TENM1: variants seen among roughly 807,000 people sequenced by gnomAD.
TENM1 encodes the protein teneurin transmembrane protein 1.
Under a neutral mutation model 174.8 loss-of-function variants are expected in TENM1, and 35 were observed. The ratio of observed to expected loss-of-function variants is 0.20; its 90% CI spans 0.15 to 0.27. The LOEUF is 0.27. Among genes scored for constraint, TENM1 ranks in the 10% least tolerant of loss-of-function variants. The probability of loss-of-function intolerance (pLI) is 1.00; values close to 1 mark genes in which losing one functional copy is unlikely to be tolerated. For missense variants in TENM1, 1,633 were observed against 2,130.1 expected (o/e 0.77, Z 4.59); for synonymous variants, 781 against 798.7 (o/e 0.98, Z 0.37).
chrX:124,918,842 T>C (rs958714697), intron 1 of TENM1, among the ~76,000 whole-genome samples: 7 of 111,657 alleles, frequency 6.3e-5, no homozygotes, highest in East Asian at 2.8e-4. Context: ...TTAAGTAATA[T>C]TGGCAATTTT....
intron 22 of TENM1, among the ~76,000 whole-genome samples, chrX:124,472,853 C>G (rs2061351046): frequency 9.0e-6 from 1 of 111,444 alleles, no homozygotes; most frequent in African/African-American, 3.3e-5. Context: ...ATTTTATAGT[C>G]AGCTCCATGC....
chrX:124,453,201 T>C, intron 23 of TENM1, 136 bp downstream of exon 26: 2 of 632,261 alleles, frequency 3.2e-6, no homozygotes, highest in Non-Finnish European at 2.3e-6. Context: ...GTAACTTACA[T>C]AAAGAGAAAC....
At chrX:124,698,188 T>C (rs7885705) in intron 5 of TENM1, among the ~76,000 whole-genome samples, 25,145 of 109,967 alleles carry the variant, frequency 0.23, 3,638 homozygotes, top group African/African-American at 0.54. Flanking sequence ...TTCCTACTCC[T>C]ACGATTTTGG....
intron 15 of TENM1, among the ~76,000 whole-genome samples, chrX:124,545,554 TG>T (rs1245820652): frequency 8.9e-6 from 1 of 111,784 alleles, no homozygotes; most frequent in African/African-American, 3.3e-5. Flanking sequence ...TCTCTATGAG[TG>T]AAGAAAGCTA....
rs746609047 is a variant in TENM1, at chrX:124,436,044, TC to T, written c.4105-13407del. On this transcript the variant is annotated intron_variant, in intron 23 of 31. Coordinates refer to ENST00000422452, the Ensembl canonical transcript of TENM1. ...TCTTACAGATTCAGTAATGATGAAA[TC>T]CTCTGTGACAAACAGTCCACTCTAA... is the stretch of plus-strand genomic sequence containing the variant. Among the ~76,000 whole-genome samples, 616 of 111,574 alleles carry T rather than the reference TC, an allele frequency of 5.5e-3. 1 individual carries two copies. Among genetic ancestry groups the T allele is most frequent in the Non-Finnish European group, 9.8e-3 (518 of 53,099 alleles).
intron 11 of TENM1, among the ~76,000 whole-genome samples, chrX:124,568,446 T>G (rs769722547): frequency 9.0e-6 from 1 of 111,553 alleles, no homozygotes; most frequent in African/African-American, 3.3e-5. Flanking sequence ...TAATAAAAAA[T>G]CTGGAGCTAG....
chrX:124,653,113 A>G (rs1429928965), intron 7 of TENM1, among the ~76,000 whole-genome samples: 2 of 112,204 alleles, frequency 1.8e-5, no homozygotes. Flanking sequence ...TAAAAATCAT[A>G]GAAGTTTTAC....
chrX:124,436,872 C>T (rs1331858180), intron 23 of TENM1, among the ~76,000 whole-genome samples: 1 of 108,833 alleles, frequency 9.2e-6, no homozygotes, highest in Admixed American at 9.9e-5. Flanking sequence ...CTGTACATCA[C>T]ATTCTCTATA....
chrX:124,509,030 G>A (rs1208020196), intron 18 of TENM1, among the ~76,000 whole-genome samples: 2 of 110,940 alleles, frequency 1.8e-5, no homozygotes, highest in Non-Finnish European at 3.8e-5. Context: ...CCCCAGTGGA[G>A]GTTATATTCA....
intron 3 of TENM1, among the ~76,000 whole-genome samples, chrX:124,881,134 A>C (rs1419174558): frequency 1.8e-5 from 2 of 111,623 alleles, no homozygotes; most frequent in African/African-American, 3.3e-5. Flanking sequence ...TTCGGTAAAA[A>C]TTGTCAGTGA....
rs16999318 is a variant in TENM1 at position 124,622,975 on chromosome X, G to A, written c.2077+18816C>T. Among the ~76,000 whole-genome samples the A allele has an allele frequency of 8.2e-3, 919 of 112,016 alleles. 8 individuals are homozygous for A. The highest frequency in any genetic ancestry group is 0.029 in the African/African-American group (885 of 30,836). ...TTTAAAATTTTCTGCCCTCTCTGATGTAGAATGTAACCTAAGTAAATAAAA... is the reference window on the plus strand; with the variant it reads ...TTTAAAATTTTCTGCCCTCTCTGATATAGAATGTAACCTAAGTAAATAAAA... On this transcript the variant is annotated intron_variant, in intron 11 of 31. Coordinates refer to ENST00000422452, the Ensembl canonical transcript of TENM1.
rs181293087 is a variant in TENM1, at chrX:124,438,312, T to A, written c.4104+15025A>T. Among the ~76,000 whole-genome samples, 14 of 110,322 alleles carry A rather than the reference T, an allele frequency of 1.3e-4. No individual in the cohort carries two copies. In the East Asian group the frequency reaches 3.4e-3, roughly 27 times the overall value. ...GCAATACACTATCGTAGGTCTTCTG[T>A]ATCTTAGAGAGATACAGAAGTATCT... On this transcript the variant is annotated intron_variant, in intron 23 of 31. Transcript: ENST00000422452.
At chrX:124,535,267 G>A (rs1341820671) in intron 15 of TENM1, among the ~76,000 whole-genome samples, 1 of 111,468 alleles carries the variant, frequency 9.0e-6, no homozygotes, top group Non-Finnish European at 1.9e-5. Context: ...GAAAAGCAAG[G>A]CCATAACATA....
the TENM1 span, among the ~76,000 whole-genome samples, chrX:124,994,758 C>T: frequency 1.3e-4 from 14 of 111,018 alleles, no homozygotes; most frequent in African/African-American, 3.9e-4. Context: ...CTGCCACCAT[C>T]ACGTTCCTGA....
intron 3 of TENM1, among the ~76,000 whole-genome samples, chrX:124,793,422 C>T (rs922398141): frequency 8.9e-6 from 1 of 111,736 alleles, no homozygotes; most frequent in Non-Finnish European, 1.9e-5. Flanking sequence ...ACATGTAGAA[C>T]TTACAGGACA....
rs184578626 is a variant in TENM1 at position 124,407,727 on chromosome X, T to C, written c.4983-1238A>G. The stretch of plus-strand genomic sequence containing the variant: ...ATGCCACCTAAAGTTCAGTTCTGCA[T>C]ATACACGTGCGTGTGTGCACACACA... On this transcript the variant is annotated intron_variant, in intron 25 of 31. Coordinates refer to ENST00000422452, the Ensembl canonical transcript of TENM1. Among the ~76,000 whole-genome samples the C allele has an allele frequency of 4.8e-3, 547 of 112,973 alleles. 3 individuals carry two copies. Among genetic ancestry groups the C allele is most frequent in the Admixed American group, 0.01 (111 of 10,736 alleles).
intron 5 of TENM1, among the ~76,000 whole-genome samples, chrX:124,684,692 G>A (rs1262450275): frequency 1.8e-5 from 2 of 111,760 alleles, no homozygotes; most frequent in African/African-American, 6.5e-5. Context: ...GTATCAGGCT[G>A]GTTCCCACGG....
At chrX:124,582,855 TA>T (rs1378743711) in intron 11 of TENM1, among the ~76,000 whole-genome samples, 3 of 112,187 alleles carry the variant, frequency 2.7e-5, no homozygotes, top group Admixed American at 9.4e-5. Context: ...CTGACAGGCT[TA>T]AAAAACGGCA....
chrX:125,092,498 G>A, the TENM1 span, among the ~76,000 whole-genome samples: 976 of 111,628 alleles, frequency 8.7e-3, 12 homozygotes, highest in African/African-American at 0.03. Context: ...ATTAAAAGGA[G>A]TCATATGAAA....
Sources: gnomAD v4.1 joint callset for allele counts (sites outside exome capture counted in the v4.1 genomes callset) on GRCh38, gnomAD v4.1.1 for gene constraint, MANE v1.5 for transcripts, NCBI Gene and HGNC (gene_info 2026-07-23, HGNC 2026-07-21) for gene names.